The following PPP2R2B variants were observed in gnomAD, a reference collection of about 807,000 sequenced individuals.
PPP2R2B encodes the protein protein phosphatase 2 regulatory subunit Bbeta, also known as serine/threonine-protein phosphatase 2A 55 kDa regulatory subunit B beta isoform.
A neutral mutation model predicts 46.0 loss-of-function variants in PPP2R2B; 5 were observed. That is an observed-to-expected ratio of 0.11 (90% CI 0.06 to 0.23). The LOEUF (loss-of-function observed/expected upper bound fraction) is 0.23. Ranked by LOEUF, PPP2R2B falls within the 10% of genes least tolerant of loss-of-function variation. The pLI is 1.00. For missense variants in PPP2R2B, 367 were observed against 575.0 expected, an observed-to-expected ratio of 0.64 and a Z score of 3.70; for synonymous variants, 215 against 206.7, an observed-to-expected ratio of 1.04 and a Z score of -0.34.
intron 2 of PPP2R2B, among the ~76,000 whole-genome samples, chr5:147,069,909 G>A (rs1196182787): frequency 7.1e-6 from 1 of 141,400 alleles, no homozygotes; most frequent in East Asian, 2.2e-4. Flanking sequence ...TCTTGCCTCA[G>A]CCTCCTGAGT....
chr5:146,912,879 T>C lies in PPP2R2B; in HGVS notation c.79+142786A>G, dbSNP rs147430872. Among the ~76,000 whole-genome samples, 259 of 152,332 alleles carry C rather than the reference T, an allele frequency of 1.7e-3. 1 individual carries two copies. The highest frequency in any genetic ancestry group is 6.0e-3 in the African/African-American group (249 of 41,574). ...AAACACCAAGTAAGTCTCTTCAATG[T>C]GTCAAGTACTACCGTCATATGGAAA... On this transcript the variant is annotated intron_variant, in intron 1 of 8. Coordinates refer to the PPP2R2B transcript ENST00000336640.
chr5:146,860,043 G>T (rs1201809538), intron 2 of PPP2R2B, among the ~76,000 whole-genome samples: 3 of 152,118 alleles, frequency 2.0e-5, no homozygotes, highest in Non-Finnish European at 4.4e-5. Context: ...CAAAAATCAG[G>T]AAAACAATTT....
At chr5:146,622,708 G>A (rs979806625) in intron 7 of PPP2R2B, among the ~76,000 whole-genome samples, 1 of 152,106 alleles carries the variant, frequency 6.6e-6, no homozygotes, top group Non-Finnish European at 1.5e-5. Flanking sequence ...TTTCTGAAAA[G>A]TTGAGTTGGA....
intron 1 of PPP2R2B, among the ~76,000 whole-genome samples, chr5:146,894,375 G>A (rs1175282389): frequency 5.9e-5 from 9 of 152,186 alleles, no homozygotes; most frequent in Non-Finnish European, 2.9e-5. Flanking sequence ...AGTCTACACA[G>A]GAAGGCTTGC....
At chr5:146,688,593 A>C (rs939809267) in intron 5 of PPP2R2B, among the ~76,000 whole-genome samples, 3 of 151,064 alleles carry the variant, frequency 2.0e-5, no homozygotes, top group Admixed American at 2.0e-4. Flanking sequence ...GAATTTTCCA[A>C]CTCCCAGCCA....
At chr5:147,013,020 A>C (rs1401054368) in intron 1 of PPP2R2B, among the ~76,000 whole-genome samples, 3 of 151,730 alleles carry the variant, frequency 2.0e-5, no homozygotes, top group Non-Finnish European at 4.4e-5. Context: ...TAAGCTGATA[A>C]GCAACTTCAG....
chr5:146,650,434 G>A, intron 6 of PPP2R2B, 113 bp downstream of exon 6: 2 of 972,468 alleles, frequency 2.1e-6, no homozygotes, highest in Non-Finnish European at 3.0e-6. Context: ...AAAGGGGCAA[G>A]TTCTCCGCAA....
chr5:147,012,041 T>G, intron 1 of PPP2R2B, among the ~76,000 whole-genome samples: 1 of 150,356 alleles, frequency 6.7e-6, no homozygotes, highest in Non-Finnish European at 1.5e-5. Context: ...AAAATTCTCT[T>G]TTTTTGTTGT....
chr5:146,594,320 G>A (rs573441185), intron 8 of PPP2R2B, among the ~76,000 whole-genome samples: 39 of 152,292 alleles, frequency 2.6e-4, no homozygotes, highest in Non-Finnish European at 3.4e-4. Context: ...GACACTTGAC[G>A]TTGTTGGACA....
intron 2 of PPP2R2B, among the ~76,000 whole-genome samples, chr5:146,723,511 A>G (rs1751657484): frequency 6.6e-6 from 1 of 152,182 alleles, no homozygotes; most frequent in Non-Finnish European, 1.5e-5. Flanking sequence ...ACATGGTTGT[A>G]TACATGTATA....
At chr5:146,972,343 T>C (rs1752697086) in intron 1 of PPP2R2B, among the ~76,000 whole-genome samples, 2 of 152,202 alleles carry the variant, frequency 1.3e-5, no homozygotes, top group South Asian at 2.1e-4. Flanking sequence ...GATGTGTTCA[T>C]GGTAAAGTTA....
intron 3 of PPP2R2B, 82 bp downstream of exon 3, chr5:146,700,963 C>T (rs1428883126): frequency 2.1e-5 from 26 of 1,259,724 alleles, no homozygotes; most frequent in Middle Eastern, 3.7e-4. Flanking sequence ...AGGTTAAGGG[C>T]GACACATAAG....
chr5:146,963,361 C>T lies in PPP2R2B; in HGVS notation c.79+92304G>A, dbSNP rs531578130. ...CTCAGAGTTCCTCTTCTTAGCACCACCACGGAGTAGGGATCTGGAGGGTGA... is the reference window on the plus strand; with the variant it reads ...CTCAGAGTTCCTCTTCTTAGCACCATCACGGAGTAGGGATCTGGAGGGTGA... On this transcript the variant is annotated intron_variant, in intron 1 of 8. Transcript: ENST00000336640. Among the ~76,000 whole-genome samples, 30 of 152,220 alleles carry T rather than the reference C, an allele frequency of 2.0e-4. No homozygotes were observed. The Middle Eastern group carries it at 0.017, about 86-fold the overall frequency.
At chr5:147,029,637 G>C (rs1017445082) in intron 1 of PPP2R2B, among the ~76,000 whole-genome samples, 1 of 152,134 alleles carries the variant, frequency 6.6e-6, no homozygotes, top group African/African-American at 2.4e-5. Flanking sequence ...TTGGATAAAG[G>C]GTCTTTAAGG....
At chr5:146,606,730 C>T (rs1006447351) in intron 7 of PPP2R2B, among the ~76,000 whole-genome samples, 9 of 152,092 alleles carry the variant, frequency 5.9e-5, no homozygotes, top group Admixed American at 2.6e-4. Context: ...GTCTGGGCTG[C>T]GACACAGACA....
intron 2 of PPP2R2B, among the ~76,000 whole-genome samples, chr5:147,070,797 T>A (rs1200494046): frequency 6.6e-6 from 1 of 152,158 alleles, no homozygotes; most frequent in Non-Finnish European, 1.5e-5. Flanking sequence ...TGTTGTGGCA[T>A]CCTCCACTCA....
chr5:146,913,200 G>T (rs1028933369), intron 1 of PPP2R2B, among the ~76,000 whole-genome samples: 6 of 152,200 alleles, frequency 3.9e-5, no homozygotes, highest in African/African-American at 1.4e-4. Flanking sequence ...GCTTAAAACA[G>T]AAACAGTGCC....
At position 147,040,808 on chromosome 5, in the gene PPP2R2B, TAA is replaced by T. The variant is rs35011506; in HGVS notation, c.79+14855_79+14856del. The T allele has an allele frequency of 3.0e-3, 1,175 of 395,282 alleles. 4 individuals are homozygous for T. Among genetic ancestry groups the T allele is most frequent in the African/African-American group, 0.017 (716 of 42,514 alleles). 24.5% of individuals were successfully genotyped at this position (395,282 alleles called of 1,614,324 possible). On this transcript the variant is annotated intron_variant, in intron 1 of 8. Transcript: ENST00000336640. ...AATTTCAAGAAAAGATGAGTTTCCTTAAAAAAAAAAAAAAAACTGTAAAATAA... is the reference window on the plus strand; with the variant it reads ...AATTTCAAGAAAAGATGAGTTTCCTTAAAAAAAAAAAAAACTGTAAAATAA...
At chr5:146,728,634 C>G (rs567867207) in intron 2 of PPP2R2B, among the ~76,000 whole-genome samples, 2 of 152,198 alleles carry the variant, frequency 1.3e-5, no homozygotes, top group South Asian at 4.1e-4. Flanking sequence ...CCTAGAATTC[C>G]CATGTGTTGT....
Sources: allele counts gnomAD v4.1 joint callset (sites outside exome capture counted in the v4.1 genomes callset), GRCh38; gene constraint gnomAD v4.1.1; transcripts MANE v1.5; gene names NCBI Gene and HGNC (gene_info 2026-07-23, HGNC 2026-07-21).